CNBD1: variants seen among roughly 807,000 people sequenced by gnomAD.
CNBD1 encodes the protein cyclic nucleotide binding domain containing 1.
A neutral mutation model predicts 54.4 loss-of-function variants in CNBD1; 71 were observed. That is an observed-to-expected ratio of 1.30 (90% CI 1.08 to 1.59). The LOEUF is 1.59. Among genes scored for constraint, CNBD1 ranks in the 40% most tolerant of loss-of-function variants. The pLI, the probability that CNBD1 is intolerant of heterozygous loss-of-function variation, is 0.00. For synonymous variants in CNBD1, 182 were observed against 170.7 expected, an observed-to-expected ratio of 1.07 and a Z score of -0.51; for missense variants, 659 against 518.0, an observed-to-expected ratio of 1.27 and a Z score of -2.64.
At chr8:87,042,885 C>G (rs1810102774) in intron 4 of CNBD1, among the ~76,000 whole-genome samples, 1 of 151,816 alleles carries the variant, frequency 6.6e-6, no homozygotes, top group Non-Finnish European at 1.5e-5. Flanking sequence ...GAAATTATAT[C>G]TATATACAGA....
At chr8:87,134,848 A>T (rs766786728) in intron 4 of CNBD1, among the ~76,000 whole-genome samples, 1 of 151,702 alleles carries the variant, frequency 6.6e-6, no homozygotes, top group Non-Finnish European at 1.5e-5. Flanking sequence ...TGACTTCGTG[A>T]TCTGCCCGCC....
intron 5 of CNBD1, among the ~76,000 whole-genome samples, chr8:87,224,135 G>T (rs1010706673): frequency 2.4e-4 from 36 of 151,900 alleles, no homozygotes; most frequent in African/African-American, 8.2e-4. Context: ...GTAGATTCTG[G>T]ATATTACCCC....
At chr8:87,037,664 C>T (rs1809978753) in intron 4 of CNBD1, among the ~76,000 whole-genome samples, 1 of 152,012 alleles carries the variant, frequency 6.6e-6, no homozygotes, top group African/African-American at 2.4e-5. Context: ...TTATTAGTGT[C>T]CTTTTATTAT....
intron 5 of CNBD1, among the ~76,000 whole-genome samples, chr8:87,220,008 G>A (rs976990936): frequency 6.6e-6 from 1 of 151,806 alleles, no homozygotes; most frequent in East Asian, 1.9e-4. Flanking sequence ...TAAACTTTGG[G>A]ATTAAACTTT....
chr8:87,073,346 G>A lies in CNBD1; in HGVS notation c.432-132647G>A, dbSNP rs62527274. On this transcript the variant is annotated intron_variant, in intron 4 of 10. Coordinates refer to ENST00000518476, the MANE Select transcript of CNBD1 (RefSeq NM_173538.3). ...CTCAGCCCACTTCTGTGCCCTTGCC[G>A]GAGAGGTATTGTAGTCATCTGGAGA... Among the ~76,000 whole-genome samples, 778 of 152,138 alleles carry A rather than the reference G, an allele frequency of 5.1e-3. 5 individuals are homozygous for A. Among genetic ancestry groups the A allele is most frequent in the Non-Finnish European group, 8.9e-3 (603 of 68,004 alleles).
At chr8:86,879,540 A>G (rs1808572191) in intron 1 of CNBD1, among the ~76,000 whole-genome samples, 1 of 152,210 alleles carries the variant, frequency 6.6e-6, no homozygotes, top group Non-Finnish European at 1.5e-5. Flanking sequence ...AAGACAAGAT[A>G]TGTTCATGGA....
At chr8:87,081,030 T>C (rs1810979780) in intron 4 of CNBD1, among the ~76,000 whole-genome samples, 1 of 152,064 alleles carries the variant, frequency 6.6e-6, no homozygotes, top group South Asian at 2.1e-4. Context: ...ATTTATTTTC[T>C]TCTTTCCTCT....
Position 87,371,353 on chromosome 8 carries a change from C to T in CNBD1, c.1304-11267C>T, listed in dbSNP as rs556185454. 2.9e-3 allele frequency among the ~76,000 whole-genome samples: 447 copies of T among 152,018 alleles called. 5 individuals are homozygous for T. The highest frequency in any genetic ancestry group is 9.7e-3 in the African/African-American group (401 of 41,480). On this transcript the variant is annotated intron_variant, in intron 10 of 10. Coordinates refer to ENST00000518476, the MANE Select transcript of CNBD1 (RefSeq NM_173538.3). Reference sequence around the variant, plus strand: ...ATTTTCATGATATTGATTCTTCCTACCCATGAGCATGGAATGTTCTTCCAT... The same window carrying T: ...ATTTTCATGATATTGATTCTTCCTATCCATGAGCATGGAATGTTCTTCCAT...
At chr8:87,372,409 G>C (rs2337040) in intron 10 of CNBD1, among the ~76,000 whole-genome samples, 2 of 151,946 alleles carry the variant, frequency 1.3e-5, no homozygotes, top group Admixed American at 1.3e-4. Context: ...CTAGTTTTCT[G>C]TCATTATTTC....
At chr8:87,089,814 T>C (rs1229093316) in intron 4 of CNBD1, among the ~76,000 whole-genome samples, 3 of 152,116 alleles carry the variant, frequency 2.0e-5, no homozygotes. Flanking sequence ...TTATTAGTGT[T>C]GAAATGCTAC....
intron 4 of CNBD1, among the ~76,000 whole-genome samples, chr8:87,020,146 T>C (rs1809452686): frequency 1.3e-5 from 2 of 152,038 alleles, no homozygotes; most frequent in African/African-American, 2.4e-5. Context: ...CTTGTAAATG[T>C]TATGCCAAAT....
At chr8:87,353,243 C>T (rs957883631) in intron 9 of CNBD1, among the ~76,000 whole-genome samples, 3 of 152,156 alleles carry the variant, frequency 2.0e-5, no homozygotes, top group Admixed American at 6.5e-5. Context: ...TTTCCTTCTT[C>T]CCTGTGGGTT....
intron 4 of CNBD1, among the ~76,000 whole-genome samples, chr8:86,998,843 G>A (rs1441603415): frequency 1.3e-5 from 2 of 152,134 alleles, no homozygotes; most frequent in African/African-American, 4.8e-5. Context: ...TTTACAGGTA[G>A]ATTTATGTCT....
rs1295595003 is a variant in CNBD1, at chr8:87,277,070, T to A, written c.772-7608T>A. ...AAAGTGCTGAATCATGATGGGTCAT[T>A]TATATATATATATATACACATATTC... is the stretch of plus-strand genomic sequence containing the variant. On this transcript the variant is annotated intron_variant, in intron 6 of 10. Coordinates refer to ENST00000518476, the MANE Select transcript of CNBD1 (RefSeq NM_173538.3). 5.4e-5 allele frequency among the ~76,000 whole-genome samples: 8 copies of A among 149,358 alleles called. No homozygotes were observed. The East Asian group carries it at 1.4e-3, about 26-fold the overall frequency.
intron 2 of CNBD1, among the ~76,000 whole-genome samples, chr8:87,412,908 T>A (rs1038972167): frequency 3.9e-5 from 6 of 151,988 alleles, no homozygotes; most frequent in Admixed American, 2.6e-4. Context: ...AAAAAGTCAA[T>A]TATGAATTTG....
chr8:87,315,460 G>A (rs1422735279), intron 8 of CNBD1, among the ~76,000 whole-genome samples: 1 of 151,928 alleles, frequency 6.6e-6, no homozygotes, highest in Non-Finnish European at 1.5e-5. Flanking sequence ...TTCTGGTGAG[G>A]ACCTCAGGTT....
At chr8:87,068,197 T>C (rs186224524) in intron 4 of CNBD1, among the ~76,000 whole-genome samples, 1 of 152,214 alleles carries the variant, frequency 6.6e-6, no homozygotes, top group Admixed American at 6.5e-5. Context: ...TAGATGAATG[T>C]TATCTTACTC....
At chr8:87,147,355 T>C (rs1812511683) in intron 4 of CNBD1, among the ~76,000 whole-genome samples, 1 of 152,170 alleles carries the variant, frequency 6.6e-6, no homozygotes, top group African/African-American at 2.4e-5. Flanking sequence ...CTACCTGGGC[T>C]TTTGATGGTG....
At chr8:86,999,666 CA>C (rs1202427289) in intron 4 of CNBD1, among the ~76,000 whole-genome samples, 11 of 152,292 alleles carry the variant, frequency 7.2e-5, no homozygotes, top group African/African-American at 2.6e-4. Context: ...AAGCACATAG[CA>C]GACACTAATC....
Sources: allele counts gnomAD v4.1 joint callset (sites outside exome capture counted in the v4.1 genomes callset), GRCh38; gene constraint gnomAD v4.1.1; transcripts MANE v1.5; gene names NCBI Gene and HGNC (gene_info 2026-07-23, HGNC 2026-07-21).